Variants in TSC22D2 observed in about 807,000 individuals in gnomAD.
The protein encoded by TSC22D2 is TSC22 domain family member 2, also known as TSC22 domain family protein 2.
A neutral mutation model predicts 50.1 loss-of-function variants in TSC22D2; 5 were observed. The observed-to-expected ratio is 0.10, with a 90% CI of 0.05 to 0.21. The LOEUF (loss-of-function observed/expected upper bound fraction) is 0.21. Ranked by LOEUF, TSC22D2 falls within the 10% of genes least tolerant of loss-of-function variation. The pLI, the probability that TSC22D2 is intolerant of heterozygous loss-of-function variation, is 1.00. For missense variants in TSC22D2, 1,003 were observed against 1,015.5 expected (o/e 0.99, Z 0.17); for synonymous variants, 501 against 450.1 (o/e 1.11, Z -1.43).
intron 1 of TSC22D2, among the ~76,000 whole-genome samples, chr3:150,427,384 T>A (rs73007758): frequency 0.024 from 3,714 of 152,210 alleles, 156 homozygotes; most frequent in African/African-American, 0.084. Flanking sequence ...GTGTTATATA[T>A]GTAGGACCAT....
Position 150,458,582 on chromosome 3 carries a change from ACAGCCTCCG to A in TSC22D2, c.2223_2231del (p.Pro742_Pro744del), listed in dbSNP as rs752930826. ...CTTCTCAACAGCAAGCAGTGATAGC[ACAGCCTCCG>A]CAGCCAACGCAACCTCCACAGCAGC... is the stretch of plus-strand genomic sequence containing the variant. On this transcript the variant is annotated inframe_deletion, in exon 3 of 3. Coordinates refer to ENST00000688009, the MANE Select transcript of TSC22D2 (RefSeq NM_001303264.2). The A allele has an allele frequency of 1.3e-5, 21 of 1,614,078 alleles. No individual in the cohort carries two copies. The Admixed American group carries it at 2.0e-4, about 15-fold the overall frequency.
At chr3:150,443,962 A>G (rs979675892) in intron 1 of TSC22D2, among the ~76,000 whole-genome samples, 1 of 152,188 alleles carries the variant, frequency 6.6e-6, no homozygotes, top group African/African-American at 2.4e-5. Flanking sequence ...CAGTATATGG[A>G]GTTACCAAGT....
intron 1 of TSC22D2, among the ~76,000 whole-genome samples, chr3:150,453,310 T>A (rs1310483919): frequency 6.6e-6 from 1 of 152,238 alleles, no homozygotes; most frequent in Non-Finnish European, 1.5e-5. Flanking sequence ...CTTCAGTTGA[T>A]CTTTCTCATT....
At chr3:150,423,256 G>A (rs1720073970) in intron 1 of TSC22D2, 2 of 529,270 alleles carry the variant, frequency 3.8e-6, no homozygotes, top group Non-Finnish European at 6.4e-6. Flanking sequence ...ATGGGACAAA[G>A]CAGCAAAATA....
At chr3:150,441,297 T>C (rs915815500) in intron 1 of TSC22D2, among the ~76,000 whole-genome samples, 38 of 152,344 alleles carry the variant, frequency 2.5e-4, no homozygotes, top group Admixed American at 1.5e-3. Context: ...GTTTTTAAAC[T>C]GTGTAGTTAA....
rs1721402206 is a variant in TSC22D2, at chr3:150,461,603, C to T, written c.*2967C>T. 1 of 152,102 alleles carries T rather than the reference C, an allele frequency of 6.6e-6. No homozygotes were observed. The highest frequency in any genetic ancestry group is 2.1e-4 in the South Asian group (1 of 4,824). The allele number at this position is 152,102 out of a possible 1,614,324, so 9.4% of individuals were successfully genotyped here. ...CGATGTGATCTCACAGCTTGCCACA[C>T]CAAAAACAAATAGTAGGGGTTAGGA... is the stretch of plus-strand genomic sequence containing the variant. On this transcript the variant is annotated 3_prime_UTR_variant, in exon 3 of 3. Transcript: ENST00000688009.
At chr3:150,447,423 C>G (rs753319253) in intron 1 of TSC22D2, among the ~76,000 whole-genome samples, 4 of 152,278 alleles carry the variant, frequency 2.6e-5, no homozygotes, top group Non-Finnish European at 5.9e-5. Context: ...ACTTCTAGGC[C>G]AGAGATTACT....
intron 1 of TSC22D2, among the ~76,000 whole-genome samples, chr3:150,431,637 T>G (rs1186380115): frequency 2.0e-5 from 3 of 152,320 alleles, no homozygotes; most frequent in African/African-American, 4.8e-5. Context: ...AAAAATGTAC[T>G]TGCTTAGCTA....
At chr3:150,437,094 A>C (rs551722860) in intron 1 of TSC22D2, among the ~76,000 whole-genome samples, 2 of 152,074 alleles carry the variant, frequency 1.3e-5, no homozygotes, top group Non-Finnish European at 2.9e-5. Flanking sequence ...TTCCTTTCCT[A>C]TGGGTTACTG....
At chr3:150,444,536 A>C (rs1244022937) in intron 1 of TSC22D2, among the ~76,000 whole-genome samples, 1 of 152,202 alleles carries the variant, frequency 6.6e-6, no homozygotes, top group African/African-American at 2.4e-5. Flanking sequence ...AAGGCTAAGG[A>C]AAATGTAGGT....
Position 150,410,339 on chromosome 3 carries a change from C to A in TSC22D2, c.989C>A (p.Thr330Asn). 6.3e-7 allele frequency: 1 copy of A among 1,591,104 alleles called. No homozygotes were observed. ...GGQTLPPTNV[T>N]LAQPAMSLPP... Reference sequence around the variant, plus strand: ...CAGACTCTGCCGCCGACGAATGTAACCCTGGCGCAGCCGGCTATGTCCCTG... The same window carrying A: ...CAGACTCTGCCGCCGACGAATGTAAACCTGGCGCAGCCGGCTATGTCCCTG... The change falls in exon 1 of 3, where the codon ACC becomes AAC. Residue 330 changes from threonine to asparagine, a missense_variant. Physicochemically the swap from Thr to Asn is moderately conservative, Grantham distance 65. Coordinates refer to ENST00000688009, the MANE Select transcript of TSC22D2 (RefSeq NM_001303264.2).
intron 1 of TSC22D2, among the ~76,000 whole-genome samples, chr3:150,446,247 G>C (rs1400345726): frequency 3.3e-5 from 5 of 152,172 alleles, no homozygotes; most frequent in Non-Finnish European, 7.3e-5. Context: ...AGAATGAAGT[G>C]GAGAAGAAAA....
chr3:150,441,265 G>T (rs987454367), intron 1 of TSC22D2, among the ~76,000 whole-genome samples: 2 of 151,982 alleles, frequency 1.3e-5, no homozygotes, highest in African/African-American at 4.8e-5. Flanking sequence ...TGCAATCATG[G>T]TAGATAAGTA....
rs1218329495 is a variant in TSC22D2, at chr3:150,410,542, T to G, written c.1192T>G (p.Ser398Ala). 1 of 1,561,742 alleles carries G rather than the reference T, an allele frequency of 6.4e-7. No homozygotes were observed. Among genetic ancestry groups the G allele is most frequent in the East Asian group, 2.4e-5 (1 of 41,420 alleles). The change falls in exon 1 of 3, where the codon TCC becomes GCC. Residue 398 changes from serine (S) to alanine (A), a missense_variant. Physicochemically the swap from Ser to Ala is moderately conservative, Grantham distance 99 (BLOSUM62 1). Coordinates refer to ENST00000688009, the MANE Select transcript of TSC22D2 (RefSeq NM_001303264.2). ...GCCGCCAAGCCCCGCGCAGCCCTCG[T>G]CCACCGGCGCCGCAGCGAGCCCCGC... Reference protein sequence around the residue: ...LQPPSPAQPSSTGAAASPATA... With the variant: ...LQPPSPAQPSATGAAASPATA...
chr3:150,452,696 T>C (rs1576558151), intron 1 of TSC22D2, among the ~76,000 whole-genome samples: 2 of 152,216 alleles, frequency 1.3e-5, no homozygotes, highest in African/African-American at 4.8e-5. Context: ...TTATACTTTT[T>C]CTGTGAGTGT....
At position 150,435,271 on chromosome 3, in the gene TSC22D2, G is replaced by A. The variant is rs151193582; in HGVS notation, c.1959-21805G>A. ...GCTGTGATTACAGGCGTGAGCCACTGCATCCGGCCTTTTTATATGTTAATT... is the reference window on the plus strand; with the variant it reads ...GCTGTGATTACAGGCGTGAGCCACTACATCCGGCCTTTTTATATGTTAATT... On this transcript the variant is annotated intron_variant, in intron 1 of 2. Transcript: ENST00000688009. 5.4e-4 allele frequency among the ~76,000 whole-genome samples: 82 copies of A among 152,268 alleles called. No individual in the cohort carries two copies. In the East Asian group the frequency reaches 9.8e-3, roughly 18 times the overall value.
chr3:150,423,046 C>G (rs777878148), intron 1 of TSC22D2: 2 of 1,612,166 alleles, frequency 1.2e-6, no homozygotes, highest in African/African-American at 2.7e-5. Context: ...TCGGATCTCA[C>G]AGGAATCCTT....
intron 2 of TSC22D2, 36 bp downstream of exon 2, chr3:150,457,163 T>C: frequency 6.3e-7 from 1 of 1,587,148 alleles, no homozygotes; most frequent in Non-Finnish European, 8.6e-7. Flanking sequence ...ATTTCATAGA[T>C]TGTTGGTTGT....
intron 1 of TSC22D2, among the ~76,000 whole-genome samples, chr3:150,453,774 A>C (rs1011899358): frequency 1.3e-5 from 2 of 152,202 alleles, no homozygotes; most frequent in African/African-American, 4.8e-5. Flanking sequence ...TCTAATTACT[A>C]TCAGTATGCA....
Sources: allele counts gnomAD v4.1 joint callset (sites outside exome capture counted in the v4.1 genomes callset), GRCh38; gene constraint gnomAD v4.1.1; transcripts MANE v1.5; gene names NCBI Gene and HGNC (gene_info 2026-07-23, HGNC 2026-07-21).